ZNF773: variants seen among roughly 807,000 people sequenced by gnomAD.
The protein encoded by ZNF773 is zinc finger protein 773.
ZNF773 carries 11 observed loss-of-function variants against 12.8 expected under a neutral mutation model. The ratio of observed to expected loss-of-function variants is 0.86; its 90% confidence interval spans 0.54 to 1.42. The LOEUF is 1.42. Among genes scored for constraint, ZNF773 ranks in the 40% most tolerant of loss-of-function variants. ZNF773 has a pLI of 0.00. For synonymous variants in ZNF773, 175 were observed against 178.4 expected (o/e 0.98, Z 0.15); for missense variants, 518 against 527.2 (o/e 0.98, Z 0.17).
intron 1 of ZNF773, among the ~76,000 whole-genome samples, chr19:57,503,311 A>T (rs996639116): frequency 1.3e-5 from 2 of 152,154 alleles, no homozygotes; most frequent in African/African-American, 4.8e-5. Context: ...GGGAGAATGT[A>T]TAGGGGCCAA....
chr19:57,502,872 T>C (rs920824183), intron 1 of ZNF773, among the ~76,000 whole-genome samples: 1 of 152,072 alleles, frequency 6.6e-6, no homozygotes, highest in Non-Finnish European at 1.5e-5. Flanking sequence ...TTTGTATTTT[T>C]AGTAGAGATG....
downstream of ZNF773, among the ~76,000 whole-genome samples, chr19:57,512,143 A>T (rs1021427470): frequency 3.3e-5 from 5 of 152,224 alleles, no homozygotes; most frequent in Admixed American, 3.3e-4. Context: ...GTACAGGTCC[A>T]ATTATATGTG....
downstream of ZNF773, among the ~76,000 whole-genome samples, chr19:57,512,290 C>T (rs2089801461): frequency 6.6e-6 from 1 of 151,812 alleles, no homozygotes; most frequent in African/African-American, 2.4e-5. Flanking sequence ...CATTTACTAC[C>T]ATAAAATATA....
downstream of ZNF773, among the ~76,000 whole-genome samples, chr19:57,511,899 G>A (rs60784305): frequency 0.21 from 31,446 of 152,072 alleles, 3,375 homozygotes; most frequent in African/African-American, 0.25. Flanking sequence ...AGTGGAAGAA[G>A]CCAGACACAA....
At chr19:57,511,117 T>G (rs2089791495), downstream of ZNF773, among the ~76,000 whole-genome samples, 2 of 151,738 alleles carry the variant, frequency 1.3e-5, no homozygotes, top group Admixed American at 1.3e-4. Context: ...TGGCATGATC[T>G]CAGCTCACTG....
At chr19:57,503,209 T>A (rs1330811520) in intron 1 of ZNF773, among the ~76,000 whole-genome samples, 3 of 152,170 alleles carry the variant, frequency 2.0e-5, no homozygotes, top group African/African-American at 7.2e-5. Flanking sequence ...GAAACCCACA[T>A]GATACAGTTG....
At chr19:57,508,480 G>A (rs532900594), downstream of ZNF773, 76 of 692,670 alleles carry the variant, frequency 1.1e-4, no homozygotes, top group East Asian at 1.4e-3. Flanking sequence ...CCTTATGTCC[G>A]CTTCCAGAGA....
Position 57,505,297 on chromosome 19 carries a change from C to G in ZNF773, c.164-5C>G, listed in dbSNP as rs199898398. On this transcript the variant is annotated splice_polypyrimidine_tract_variant and splice_region_variant and intron_variant, in intron 2 of 3. Coordinates refer to ENST00000282292, the MANE Select transcript of ZNF773 (RefSeq NM_198542.3). Reference sequence around the variant, plus strand: ...GTGCTGCCACTCACCTGTCGTTTTCCTTAGGACTTGCATCTTCCAAGACCC... The same window carrying G: ...GTGCTGCCACTCACCTGTCGTTTTCGTTAGGACTTGCATCTTCCAAGACCC... 60 of 1,613,584 alleles carry G rather than the reference C, an allele frequency of 3.7e-5. No homozygotes were observed. The Admixed American group carries it at 8.2e-4, about 22-fold the overall frequency.
In ZNF773 at chr19:57,504,740, C is replaced by G. The variant is rs1419989201; in HGVS notation, c.117C>G (p.Leu39=). The G allele has an allele frequency of 2.5e-6, 4 of 1,613,922 alleles. No individual in the cohort carries two copies. In the African/African-American group the frequency reaches 5.3e-5, roughly 22 times the overall value. ...TGCTTGATGACGCTCAGAGGCTCCT[C>G]TACCGCAATGTGATGCTGGAGAACT... ...WRLLDDAQRL[L]YRNVMLENFT... is the part of the protein sequence containing the mutation. The change falls in exon 2 of 4, where the codon CTC becomes CTG. Residue 39 remains leucine (L), a synonymous_variant. Coordinates refer to ENST00000282292, the MANE Select transcript of ZNF773 (RefSeq NM_198542.3).
In ZNF773 at chr19:57,506,356, A is replaced by T; in HGVS notation, c.263-2A>T. ...ACTTCATCAACATTTCTCTTCTTTCAGGTAGTTGGCAAGGAGCCAAGGCTG... is the reference window on the plus strand; with the variant it reads ...ACTTCATCAACATTTCTCTTCTTTCTGGTAGTTGGCAAGGAGCCAAGGCTG... On this transcript the variant is annotated splice_acceptor_variant, in intron 3 of 3. Coordinates refer to ENST00000282292, the MANE Select transcript of ZNF773 (RefSeq NM_198542.3). LOFTEE classifies it high-confidence loss of function. 3.7e-6 allele frequency: 6 copies of T among 1,601,142 alleles called. No homozygotes were observed. Among genetic ancestry groups the T allele is most frequent in the Non-Finnish European group, 5.1e-6 (6 of 1,175,364 alleles).
intron 1 of ZNF773, among the ~76,000 whole-genome samples, chr19:57,501,281 C>CTT (rs11456589): frequency 0.014 from 1,916 of 137,450 alleles, 41 homozygotes; most frequent in African/African-American, 0.034. Flanking sequence ...CTTTTTCTTT[C>CTT]TTTTTTTTTT....
chr19:57,508,446 A>G, downstream of ZNF773: 1 of 663,176 alleles, frequency 1.5e-6, no homozygotes, highest in East Asian at 2.7e-5. Context: ...GATCTTCTTT[A>G]ATAAATATTT....
Position 57,500,169 on chromosome 19 carries a change from C to T in ZNF773, c.33+56C>T, listed in dbSNP as rs1600146230. ...AATCCTAAAGCCCTGTGAGGGCCGCCTGCTCAGGTCCCCGGGTGCAGAACT... is the reference window on the plus strand; with the variant it reads ...AATCCTAAAGCCCTGTGAGGGCCGCTTGCTCAGGTCCCCGGGTGCAGAACT... On this transcript the variant is annotated intron_variant, in intron 1 of 3. Transcript: ENST00000282292. 1.0e-5 allele frequency: 16 copies of T among 1,550,508 alleles called. No homozygotes were observed. The East Asian group carries it at 2.2e-4, about 21-fold the overall frequency.
chr19:57,500,250 A>G, intron 1 of ZNF773, 137 bp downstream of exon 1: 4 of 1,267,656 alleles, frequency 3.2e-6, no homozygotes, highest in Middle Eastern at 2.9e-4. Context: ...TGGGGTGGCA[A>G]TGGAGGGCAA....
At position 57,507,360 on chromosome 19, in the gene ZNF773, A is replaced by C; in HGVS notation, c.1265A>C (p.Lys422Thr). 1 of 1,612,974 alleles carries C rather than the reference A, an allele frequency of 6.2e-7. No individual in the cohort carries two copies. Among genetic ancestry groups the C allele is most frequent in the East Asian group, 2.2e-5 (1 of 44,880 alleles). The change falls in exon 4 of 4, where the codon AAA becomes ACA. Residue 422 changes from lysine to threonine, a missense_variant. Transcript: ENST00000282292. ...AKPYECRECGKFFRHSSSLVK... is the reference protein window; with the variant it reads ...AKPYECRECGTFFRHSSSLVK... The stretch of plus-strand genomic sequence containing the variant: ...CCTTATGAGTGCAGGGAATGTGGGA[A>C]ATTTTTTCGCCACAGCTCCAGTCTT...
chr19:57,513,123 A>G (rs752823645), downstream of ZNF773: 6 of 1,434,604 alleles, frequency 4.2e-6, no homozygotes, highest in Non-Finnish European at 4.6e-6. Flanking sequence ...GAGAAACCCC[A>G]GGACAAGTCT....
downstream of ZNF773, chr19:57,513,243 C>T (rs2089810718): frequency 3.5e-6 from 2 of 567,894 alleles, no homozygotes; most frequent in African/African-American, 3.9e-5. Context: ...ACATTATATG[C>T]AGTCACTTAA....
In ZNF773 at chr19:57,503,903, C is replaced by T. The variant is rs183817853; in HGVS notation, c.34-754C>T. Among the ~76,000 whole-genome samples, 67 of 152,234 alleles carry T rather than the reference C, an allele frequency of 4.4e-4. 1 individual carries two copies. The South Asian group carries it at 5.8e-3, about 13-fold the overall frequency. On this transcript the variant is annotated intron_variant, in intron 1 of 3. Transcript: ENST00000282292. ...GAACTCCTGATCTCAGGTGATCCACCTGCCTCCGCCTCCAAAAGTGGCAGG... is the reference window on the plus strand; with the variant it reads ...GAACTCCTGATCTCAGGTGATCCACTTGCCTCCGCCTCCAAAAGTGGCAGG...
In ZNF773 at chr19:57,507,393, A is replaced by G. The variant is rs145186831; in HGVS notation, c.1298A>G (p.His433Arg). ...CGCCACAGCTCCAGTCTTGTTAAAC[A>G]TCGAAGGATTCACACTGGAGAAATA... ...FFRHSSSLVK[H>R]RRIHTGEIQ The change falls in exon 4 of 4, where the codon CAT becomes CGT. Residue 433 changes from histidine to arginine, a missense_variant. Coordinates refer to ENST00000282292, the MANE Select transcript of ZNF773 (RefSeq NM_198542.3). The G allele has an allele frequency of 6.2e-7, 1 of 1,608,334 alleles. No homozygotes were observed. The highest frequency in any genetic ancestry group is 1.3e-5 in the African/African-American group (1 of 74,578).
Sources: gnomAD v4.1 joint callset for allele counts (sites outside exome capture counted in the v4.1 genomes callset) on GRCh38, gnomAD v4.1.1 for gene constraint, MANE v1.5 for transcripts, NCBI Gene and HGNC (gene_info 2026-07-23, HGNC 2026-07-21) for gene names.